CDK5RAP1: variants seen among roughly 807,000 people sequenced by gnomAD.
CDK5RAP1 encodes the protein mitochondrial tRNA methylthiotransferase CDK5RAP1.
In CDK5RAP1, 62 loss-of-function variants were observed where a neutral mutation model predicts 64.5. The observed-to-expected ratio is 0.96, with a 90% CI of 0.78 to 1.19. The LOEUF (loss-of-function observed/expected upper bound fraction) is 1.19, where lower values mean the gene tolerates loss of function less well. Ranked by LOEUF, CDK5RAP1 falls within the 50% of genes most tolerant of loss-of-function variation. The probability of loss-of-function intolerance (pLI) is 0.00; values close to 1 mark genes in which losing one functional copy is unlikely to be tolerated. For synonymous variants in CDK5RAP1, 250 were observed against 261.9 expected, an observed-to-expected ratio of 0.95 and a Z score of 0.44; for missense variants, 657 against 735.0, an observed-to-expected ratio of 0.89 and a Z score of 1.23.
At chr20:33,371,330 A>G (rs1372590504) in intron 10 of CDK5RAP1, among the ~76,000 whole-genome samples, 1 of 152,104 alleles carries the variant, frequency 6.6e-6, no homozygotes, top group East Asian at 1.9e-4. Context: ...CAGTGAGGTG[A>G]GTACTATTAA....
At chr20:33,391,692 A>C (rs1988342275) in intron 5 of CDK5RAP1, among the ~76,000 whole-genome samples, 1 of 151,964 alleles carries the variant, frequency 6.6e-6, no homozygotes, top group African/African-American at 2.4e-5. Flanking sequence ...TGGTGGTGCA[A>C]GCCTGTAATC....
chr20:33,394,917 G>T, intron 3 of CDK5RAP1, 96 bp downstream of exon 3: 3 of 758,232 alleles, frequency 4.0e-6, no homozygotes, highest in Non-Finnish European at 7.2e-6. Context: ...TCTCTCACCA[G>T]GGGGCACCCT....
At chr20:33,394,124 G>T in intron 3 of CDK5RAP1, 58 bp from the exon 4 acceptor site, 3 of 1,140,604 alleles carry the variant, frequency 2.6e-6, no homozygotes, top group Non-Finnish European at 4.0e-6. Flanking sequence ...TATTAGCCTT[G>T]TACAATTCCT....
intron 1 of CDK5RAP1, among the ~76,000 whole-genome samples, chr20:33,400,230 GTACCA>G (rs1445536486): frequency 6.6e-6 from 1 of 152,222 alleles, no homozygotes; most frequent in Non-Finnish European, 1.5e-5. Context: ...CCACAGACAG[GTACCA>G]TTCTACCACC....
At chr20:33,361,422 A>G (rs927008066) in intron 12 of CDK5RAP1, among the ~76,000 whole-genome samples, 1 of 152,242 alleles carries the variant, frequency 6.6e-6, no homozygotes, top group Non-Finnish European at 1.5e-5. Flanking sequence ...TTGCATGTGT[A>G]GCATAAAACT....
Position 33,385,711 on chromosome 20 carries a change from C to A in CDK5RAP1, c.815G>T (p.Gly272Val). ...GGCAATAGGCCGACTCCTCTCCCTG[C>A]CCCGGGTGAAAGGAACAATGCAGTA... The part of the protein sequence containing the change: ...CSYCIVPFTR[G>V]RERSRPIASI... Residue 272 changes from glycine (G) to valine (V), a missense_variant, in exon 7 of 14, where the codon GGC becomes GTC. By Grantham distance (109) the Gly-to-Val change is moderately radical. Coordinates refer to ENST00000346416, the MANE Select transcript of CDK5RAP1 (RefSeq NM_016408.4). The A allele has an allele frequency of 1.2e-6, 2 of 1,613,932 alleles. No homozygotes were observed. Among genetic ancestry groups the A allele is most frequent in the Non-Finnish European group, 1.7e-6 (2 of 1,179,808 alleles).
At chr20:33,400,576 C>T (rs1267865924) in intron 1 of CDK5RAP1, among the ~76,000 whole-genome samples, 2 of 152,168 alleles carry the variant, frequency 1.3e-5, no homozygotes, top group Admixed American at 6.5e-5. Context: ...TAAGCGTTCA[C>T]TAACTGCACA....
intron 6 of CDK5RAP1, 37 bp from the exon 7 acceptor site, chr20:33,385,807 A>G: frequency 6.3e-7 from 1 of 1,593,130 alleles, no homozygotes; most frequent in South Asian, 1.2e-5. Flanking sequence ...TAACAGTAGC[A>G]GGGTGTGCTG....
chr20:33,379,157 T>A lies in CDK5RAP1; in HGVS notation c.1107+304A>T, dbSNP rs182792062. Among the ~76,000 whole-genome samples, 121 of 152,256 alleles carry A rather than the reference T, an allele frequency of 7.9e-4. 1 individual carries two copies. The highest frequency in any genetic ancestry group is 3.4e-3 in the Middle Eastern group (1 of 294). ...GTCGTATCCCACCCCACCCAGCTAA[T>A]TTTTTGTATTTGCAGTAGAGACGGG... On this transcript the variant is annotated intron_variant, in intron 8 of 13. Transcript: ENST00000346416.
Position 33,370,893 on chromosome 20 carries a change from C to T in CDK5RAP1, c.1262-264G>A, listed in dbSNP as rs559560769. On this transcript the variant is annotated intron_variant, in intron 10 of 13. Transcript: ENST00000346416. ...ACTTCCAATGCTGCATTTAGGGACA[C>T]AGTAGGGAGTCCACATTTTCATATC... Among the ~76,000 whole-genome samples, 10 of 152,292 alleles carry T rather than the reference C, an allele frequency of 6.6e-5. No homozygotes were observed. The South Asian group carries it at 1.7e-3, about 25-fold the overall frequency.
intron 7 of CDK5RAP1, 66 bp downstream of exon 7, chr20:33,385,584 C>A: frequency 6.3e-7 from 1 of 1,587,468 alleles, no homozygotes; most frequent in Non-Finnish European, 8.6e-7. Flanking sequence ...AGGCTCAAAA[C>A]TACAAAGGTT....
In CDK5RAP1 at chr20:33,385,768, G is replaced by C; in HGVS notation, c.758C>G (p.Ser253Ter). ...CATGTTGTCACAGCCTCGCATGATTGACCTGGAGAAGAAAGTACCAGAACT... is the reference window on the plus strand; with the variant it reads ...CATGTTGTCACAGCCTCGCATGATTCACCTGGAGAAGAAAGTACCAGAACT... Reference protein sequence around the residue: ...TSASATSAFVSIMRGCDNMCS... With the variant: ...TSASATSAFV The change falls in exon 7 of 14, where the codon TCA (serine) becomes TGA (stop). Residue 253 changes from serine (S) to a stop codon, truncating the protein, a stop_gained and splice_region_variant. Transcript: ENST00000346416. LOFTEE classifies it high-confidence loss of function. 6.2e-7 allele frequency: 1 copy of C among 1,611,482 alleles called. No homozygotes were observed. Among genetic ancestry groups the C allele is most frequent in the East Asian group, 2.2e-5 (1 of 44,880 alleles).
intron 8 of CDK5RAP1, among the ~76,000 whole-genome samples, chr20:33,374,748 G>A (rs1985711141): frequency 6.6e-6 from 1 of 151,862 alleles, no homozygotes; most frequent in African/African-American, 2.4e-5. Flanking sequence ...ATTTTTAGTA[G>A]AGATGATGTT....
intron 3 of CDK5RAP1, 60 bp downstream of exon 3, chr20:33,394,953 G>T: frequency 9.7e-7 from 1 of 1,034,618 alleles, no homozygotes; most frequent in East Asian, 2.4e-5. Context: ...CCTAAGAACT[G>T]GCACAAATGC....
At chr20:33,373,222 ATG>A (rs3050556) in intron 9 of CDK5RAP1, 75 of 129,624 alleles carry the variant, frequency 5.8e-4, no homozygotes, top group South Asian at 1.3e-3. Context: ...AGGTGTGTGC[ATG>A]TGTGTGTGTG....
chr20:33,392,628 T>C (rs999604457), intron 4 of CDK5RAP1, among the ~76,000 whole-genome samples: 1 of 152,096 alleles, frequency 6.6e-6, no homozygotes, highest in African/African-American at 2.4e-5. Context: ...TTACGGAAGG[T>C]AGGTAGGGGG....
chr20:33,398,530 T>A (rs1206592164), intron 1 of CDK5RAP1, among the ~76,000 whole-genome samples: 1 of 151,866 alleles, frequency 6.6e-6, no homozygotes, highest in Non-Finnish European at 1.5e-5. Context: ...CAACAGTGTT[T>A]CTAATAGCAA....
chr20:33,391,843 C>T (rs1203001026), intron 5 of CDK5RAP1, among the ~76,000 whole-genome samples: 1 of 151,488 alleles, frequency 6.6e-6, no homozygotes, highest in Non-Finnish European at 1.5e-5. Flanking sequence ...AAAAGAAATT[C>T]AAGCTGTCCC....
In CDK5RAP1 at chr20:33,360,471, A is replaced by C; in HGVS notation, c.1563T>G (p.Thr521=). 6.2e-7 allele frequency: 1 copy of C among 1,610,882 alleles called. No individual in the cohort carries two copies. Among genetic ancestry groups the C allele is most frequent in the South Asian group, 1.1e-5 (1 of 90,380 alleles). ...TTCCATCATTCCTGCCACACAGGTCAGTGGCAGAGCGTTTACTGAGCTGCA... is the reference window on the plus strand; with the variant it reads ...TTCCATCATTCCTGCCACACAGGTCCGTGGCAGAGCGTTTACTGAGCTGCA... ...LVEGLSKRSA[T]DLCGRNDGNL... The change falls in exon 13 of 14, where the codon ACT becomes ACG. Residue 521 remains threonine, a synonymous_variant. Transcript: ENST00000346416.
Sources: gnomAD v4.1 joint callset for allele counts (sites outside exome capture counted in the v4.1 genomes callset) on GRCh38, gnomAD v4.1.1 for gene constraint, MANE v1.5 for transcripts, NCBI Gene and HGNC (gene_info 2026-07-23, HGNC 2026-07-21) for gene names.